HERC5: variants seen among roughly 807,000 people sequenced by gnomAD.
The protein encoded by HERC5 is E3 ISG15--protein ligase HERC5.
A neutral mutation model predicts 119.6 loss-of-function variants in HERC5; 99 were observed. That is an observed-to-expected ratio of 0.83 (90% CI 0.70 to 0.98). The LOEUF (loss-of-function observed/expected upper bound fraction) is 0.98. HERC5 is among the 50% of genes least tolerant of loss of function. HERC5 has a pLI of 0.00. For missense variants in HERC5, 1,267 were observed against 1,241.3 expected, an observed-to-expected ratio of 1.02 and a Z score of -0.31; for synonymous variants, 478 against 445.9, an observed-to-expected ratio of 1.07 and a Z score of -0.91.
intron 9 of HERC5, among the ~76,000 whole-genome samples, chr4:88,470,389 C>G (rs150804850): frequency 0.013 from 1,931 of 152,228 alleles, 34 homozygotes; most frequent in South Asian, 0.047. Context: ...TATGTATAAA[C>G]TTTTTTATTT....
chr4:88,474,262 A>G (rs1030855744), intron 11 of HERC5, among the ~76,000 whole-genome samples: 1 of 152,228 alleles, frequency 6.6e-6, no homozygotes, highest in Non-Finnish European at 1.5e-5. Flanking sequence ...GAATTGAGTC[A>G]TTATTAGGGC....
intron 8 of HERC5, among the ~76,000 whole-genome samples, chr4:88,468,655 T>TA (rs1334780497): frequency 2.6e-5 from 4 of 152,216 alleles, no homozygotes; most frequent in Admixed American, 6.5e-5. Flanking sequence ...AGGCTATACT[T>TA]ACCTTTTGGG....
In HERC5 at chr4:88,468,398, C is replaced by A; in HGVS notation, c.1110C>A (p.Ser370Arg). Residue 370 changes from serine (S) to arginine (R), a missense_variant, in exon 8 of 23, where the codon AGC (serine) becomes AGA (arginine). Physicochemically the swap from Ser to Arg is moderately radical, Grantham distance 110. Coordinates refer to ENST00000264350, the MANE Select transcript of HERC5 (RefSeq NM_016323.4). ...ELIMIAGGNQSILLWIKKENS... is the reference protein window; with the variant it reads ...ELIMIAGGNQRILLWIKKENS... The stretch of plus-strand genomic sequence containing the variant: ...TAATGATTGCTGGAGGGAATCAAAG[C>A]ATTTTGCTCTGGATAAAGAAAGAGG... 6.2e-7 allele frequency: 1 copy of A among 1,610,646 alleles called. No individual in the cohort carries two copies. The highest frequency in any genetic ancestry group is 8.5e-7 in the Non-Finnish European group (1 of 1,177,842).
intron 13 of HERC5, among the ~76,000 whole-genome samples, chr4:88,480,532 T>G (rs939327986): frequency 6.6e-6 from 1 of 152,064 alleles, no homozygotes; most frequent in African/African-American, 2.4e-5. Flanking sequence ...TTTTCTTGTA[T>G]CAAGGATTGG....
chr4:88,492,164 C>T (rs1357821773), intron 16 of HERC5, among the ~76,000 whole-genome samples: 1 of 151,714 alleles, frequency 6.6e-6, no homozygotes, highest in Non-Finnish European at 1.5e-5. Context: ...TCACCACACC[C>T]AGCTAATTTT....
At chr4:88,471,522 T>G (rs1740869289) in intron 10 of HERC5, among the ~76,000 whole-genome samples, 1 of 150,864 alleles carries the variant, frequency 6.6e-6, no homozygotes, top group South Asian at 2.1e-4. Context: ...TTAGCTTTTG[T>G]AAAGACAGCA....
At chr4:88,496,769 C>T (rs1741807005) in intron 18 of HERC5, among the ~76,000 whole-genome samples, 1 of 152,154 alleles carries the variant, frequency 6.6e-6, no homozygotes, top group South Asian at 2.1e-4. Flanking sequence ...AGATTTAATA[C>T]ATTTAATTGC....
Position 88,475,981 on chromosome 4 carries a change from A to T in HERC5, c.1533A>T (p.Pro511=), listed in dbSNP as rs139423505. 8.7e-6 allele frequency: 14 copies of T among 1,613,874 alleles called. No homozygotes were observed. The highest frequency in any genetic ancestry group is 1.7e-5 in the Admixed American group (1 of 59,980). ...ISNNWESLVV[P]FAKVVCKMSD... is the part of the protein sequence containing the mutation. ...ACAACTGGGAGAGCCTTGTGGTTCCATTTGCAAAGGTTGTTTGTAAAATGA... is the reference window on the plus strand; with the variant it reads ...ACAACTGGGAGAGCCTTGTGGTTCCTTTTGCAAAGGTTGTTTGTAAAATGA... Residue 511 remains proline (P), a synonymous_variant, in exon 12 of 23, where the codon CCA becomes CCT. Transcript: ENST00000264350.
At position 88,460,104 on chromosome 4, in the gene HERC5, C is replaced by G; in HGVS notation, c.399C>G (p.Ser133Arg). The change falls in exon 3 of 23, where the codon AGC (serine) becomes AGG (arginine). Residue 133 changes from serine (S) to arginine (R), a missense_variant. Around this residue, in one of 3 missense-constraint regions of HERC5, gnomAD observed 777 missense variants for 758.0 expected, o/e 1.03. Coordinates refer to ENST00000264350, the MANE Select transcript of HERC5 (RefSeq NM_016323.4). ...TATTTTCCTTCATCAGGTTTGAAAG[C>G]ATTTTACAAGAAAAAAAAATAATTC... is the stretch of plus-strand genomic sequence containing the variant. The part of the protein sequence containing the change: ...NYSMKHLRFE[S>R]ILQEKKIIQI... 1.9e-6 allele frequency: 3 copies of G among 1,559,410 alleles called. 1 individual carries two copies. Among genetic ancestry groups the G allele is most frequent in the Non-Finnish European group, 2.6e-6 (3 of 1,133,118 alleles).
At chr4:88,489,066 G>A (rs1192895256) in intron 15 of HERC5, 100 bp from the exon 16 acceptor site, 2 of 863,714 alleles carry the variant, frequency 2.3e-6, no homozygotes, top group East Asian at 2.5e-5. Flanking sequence ...AATGTGACCT[G>A]CACTTATAAG....
chr4:88,488,490 C>T (rs1281946404), intron 15 of HERC5, among the ~76,000 whole-genome samples: 1 of 152,122 alleles, frequency 6.6e-6, no homozygotes, highest in African/African-American at 2.4e-5. Flanking sequence ...CCTCAGCCTC[C>T]CAAACTGCTG....
chr4:88,499,845 T>C, intron 18 of HERC5, 81 bp from the exon 19 acceptor site: 1 of 965,418 alleles, frequency 1.0e-6, no homozygotes, highest in South Asian at 1.3e-5. Flanking sequence ...AGAATAGCTA[T>C]ACACTTGACA....
Position 88,486,235 on chromosome 4 carries a change from A to T in HERC5, c.1851+7A>T. The T allele has an allele frequency of 6.5e-7, 1 of 1,527,008 alleles. No individual in the cohort carries two copies. The highest frequency in any genetic ancestry group is 2.3e-5 in the East Asian group (1 of 44,224). 94.6% of individuals were successfully genotyped at this position (1,527,008 alleles called of 1,614,324 possible). On this transcript the variant is annotated splice_region_variant and intron_variant, in intron 14 of 22. Coordinates refer to ENST00000264350, the MANE Select transcript of HERC5 (RefSeq NM_016323.4). ...CTTGTGGAAAATGACTGTGGTAGGT[A>T]TAGCATGTTTAAAGGGGGAAATTGA... is the stretch of plus-strand genomic sequence containing the variant.
At chr4:88,488,381 G>A (rs572108076) in intron 15 of HERC5, among the ~76,000 whole-genome samples, 6 of 151,794 alleles carry the variant, frequency 4.0e-5, no homozygotes, top group African/African-American at 1.2e-4. Context: ...ACAGGTGCCC[G>A]CCGCCACACC....
intron 13 of HERC5, among the ~76,000 whole-genome samples, 193 bp from the exon 14 acceptor site, chr4:88,485,922 T>C (rs1741445034): frequency 6.6e-6 from 1 of 152,180 alleles, no homozygotes; most frequent in Non-Finnish European, 1.5e-5. Flanking sequence ...CATCAATCTC[T>C]ACTCTTAAAT....
chr4:88,504,736 CAACATCAAAAAACAAATGTTAATATCTAT>C, intron 22 of HERC5, 139 bp downstream of exon 22: 1 of 437,516 alleles, frequency 2.3e-6, no homozygotes, highest in African/African-American at 2.0e-5. Flanking sequence ...CTCTGTGTCC[CAACATCAAAAAACAAATGTTAATATCTAT>C]AAGCAATCTT....
At chr4:88,481,798 TTAGG>T (rs1741285542) in intron 13 of HERC5, among the ~76,000 whole-genome samples, 1 of 152,152 alleles carries the variant, frequency 6.6e-6, no homozygotes, top group South Asian at 2.1e-4. Context: ...GAGGGCTAGA[TTAGG>T]TCTGCAAAAC....
intron 16 of HERC5, among the ~76,000 whole-genome samples, chr4:88,492,126 C>T (rs544402835): frequency 6.6e-6 from 1 of 151,970 alleles, no homozygotes; most frequent in Non-Finnish European, 1.5e-5. Flanking sequence ...GCCTCAGCCT[C>T]CTGAGTAGCT....
chr4:88,464,168 ATTTT>A (rs374132307), intron 6 of HERC5, among the ~76,000 whole-genome samples, 183 bp downstream of exon 6: 13 of 111,216 alleles, frequency 1.2e-4, no homozygotes, highest in Admixed American at 1.0e-3. Flanking sequence ...GTTTTCTTTG[ATTTT>A]TTTTTTTTTT....
Sources: gnomAD v4.1 joint callset for allele counts (sites outside exome capture counted in the v4.1 genomes callset) on GRCh38, gnomAD v4.1.1 for gene constraint, gnomAD v4.1.1 regional missense constraint, MANE v1.5 for transcripts, NCBI Gene and HGNC (gene_info 2026-07-23, HGNC 2026-07-21) for gene names.